Variants in ZNRF1 observed in about 807,000 individuals in gnomAD.
ZNRF1 encodes zinc and ring finger 1.
In ZNRF1, 3 loss-of-function variants were observed where a neutral mutation model predicts 18.4. The observed-to-expected ratio is 0.16, with a 90% CI of 0.07 to 0.42. ZNRF1 has a LOEUF of 0.42. ZNRF1 is among the 10% of genes least tolerant of loss of function. The probability of loss-of-function intolerance (pLI) is 0.99; values close to 1 mark genes in which losing one functional copy is unlikely to be tolerated. For missense variants in ZNRF1, 310 were observed against 329.8 expected (o/e 0.94, Z 0.47); for synonymous variants, 157 against 144.2 (o/e 1.09, Z -0.64).
In ZNRF1 at chr16:75,049,724, T is replaced by G. The variant is rs529338863; in HGVS notation, c.425-43848T>G. ...GTGGTCCTTTGTACCTTCGCCCGGT[T>G]TTCTTCAGTGGTACATCCTACATAA... On this transcript the variant is annotated intron_variant, in intron 1 of 4. Coordinates refer to ENST00000335325, the MANE Select transcript of ZNRF1 (RefSeq NM_032268.5). Among the ~76,000 whole-genome samples the G allele has an allele frequency of 3.3e-5, 5 of 152,334 alleles. No individual in the cohort carries two copies. The East Asian group carries it at 9.6e-4, about 29-fold the overall frequency.
At chr16:75,089,018 G>A (rs2145417776) in intron 1 of ZNRF1, among the ~76,000 whole-genome samples, 1 of 152,242 alleles carries the variant, frequency 6.6e-6, no homozygotes. Context: ...ATAGCCCATG[G>A]CCAGTGTGCC....
At chr16:75,017,279 G>T (rs147565555) in intron 1 of ZNRF1, among the ~76,000 whole-genome samples, 3 of 152,190 alleles carry the variant, frequency 2.0e-5, no homozygotes, top group Non-Finnish European at 2.9e-5. Flanking sequence ...GAATTAAATT[G>T]AGTTTATCAA....
chr16:75,030,443 G>A (rs979558309), intron 1 of ZNRF1, among the ~76,000 whole-genome samples: 4 of 151,640 alleles, frequency 2.6e-5, no homozygotes, highest in African/African-American at 9.7e-5. Context: ...AAAAAAAAAA[G>A]AGAGAAATAT....
intron 2 of ZNRF1, chr16:75,095,700 C>T: frequency 6.5e-7 from 1 of 1,549,162 alleles, no homozygotes; most frequent in African/African-American, 1.4e-5. Flanking sequence ...TCTTGGGCCC[C>T]CATGGCCCAA....
chr16:75,054,329 A>C (rs1042929047), intron 1 of ZNRF1, among the ~76,000 whole-genome samples: 1 of 152,236 alleles, frequency 6.6e-6, no homozygotes, highest in Non-Finnish European at 1.5e-5. Flanking sequence ...CTTGTTCTAA[A>C]AGTCCATTTG....
chr16:75,034,112 T>TGTGCCGTTGCAGTGAGCGGAGATG (rs2035345358), intron 1 of ZNRF1, among the ~76,000 whole-genome samples: 1 of 152,174 alleles, frequency 6.6e-6, no homozygotes, highest in Non-Finnish European at 1.5e-5. Flanking sequence ...GAGCGGAGAT[T>TGTGCCGTTGCAGTGAGCGGAGATG]GTGCCACTGC....
chr16:75,069,658 C>T lies in ZNRF1; in HGVS notation c.425-23914C>T, dbSNP rs139386410. Among the ~76,000 whole-genome samples the T allele has an allele frequency of 7.4e-4, 113 of 152,274 alleles. 1 individual carries two copies. Among genetic ancestry groups the T allele is most frequent in the African/African-American group, 2.6e-3 (109 of 41,542 alleles). On this transcript the variant is annotated intron_variant, in intron 1 of 4. Transcript: ENST00000335325. ...CAAACTCCTGACCTCGTGATCCACC[C>T]GCCTCGGCCTCCCAAAGTGCTGGGA...
chr16:75,030,465 G>A (rs1474139231), intron 1 of ZNRF1, among the ~76,000 whole-genome samples: 1 of 151,812 alleles, frequency 6.6e-6, no homozygotes, highest in Non-Finnish European at 1.5e-5. Context: ...TAAAGAAAAA[G>A]AGAAAAAAAC....
At chr16:75,016,505 G>T (rs931472313) in intron 1 of ZNRF1, among the ~76,000 whole-genome samples, 3 of 151,922 alleles carry the variant, frequency 2.0e-5, no homozygotes, top group South Asian at 4.2e-4. Context: ...CTTCCAAAGT[G>T]CTGGGATTAC....
intron 1 of ZNRF1, among the ~76,000 whole-genome samples, chr16:75,034,082 CG>C (rs1269816584): frequency 6.6e-6 from 1 of 152,102 alleles, no homozygotes; most frequent in Non-Finnish European, 1.5e-5. Flanking sequence ...TGCTTGAACC[CG>C]GGAGGCGGAG....
chr16:75,031,417 C>T (rs549857918), intron 1 of ZNRF1, among the ~76,000 whole-genome samples: 33 of 152,136 alleles, frequency 2.2e-4, no homozygotes, highest in Admixed American at 2.0e-4. Flanking sequence ...GGGGAGCCAC[C>T]GTGCCCGGCC....
chr16:75,035,969 C>T (rs1264724356), intron 1 of ZNRF1, among the ~76,000 whole-genome samples: 1 of 152,186 alleles, frequency 6.6e-6, no homozygotes, highest in East Asian at 1.9e-4. Flanking sequence ...TTTCTATCTA[C>T]TGGGAGACTA....
chr16:75,032,824 G>C (rs1322576631), intron 1 of ZNRF1, among the ~76,000 whole-genome samples: 1 of 152,148 alleles, frequency 6.6e-6, no homozygotes, highest in Non-Finnish European at 1.5e-5. Flanking sequence ...AGACCAGCCT[G>C]GGCAACACAG....
Position 75,104,906 on chromosome 16 carries a change from A to G in ZNRF1, c.626+17A>G, listed in dbSNP as rs955439512. The G allele has an allele frequency of 6.3e-6, 10 of 1,574,936 alleles. No individual in the cohort carries two copies. Among genetic ancestry groups the G allele is most frequent in the South Asian group, 1.2e-5 (1 of 85,904 alleles). ...TCACAAAAGGTAGGAGGGGTTGGCA[A>G]GGTAGCTTAGTGCACCCCACCTCCC... On this transcript the variant is annotated intron_variant, in intron 3 of 4. Transcript: ENST00000335325.
At chr16:75,030,987 A>G (rs775043873) in intron 1 of ZNRF1, among the ~76,000 whole-genome samples, 4 of 151,264 alleles carry the variant, frequency 2.6e-5, no homozygotes, top group Non-Finnish European at 4.4e-5. Flanking sequence ...AGAGGTGTGC[A>G]CCGCCACGCC....
chr16:75,049,871 G>GTGTGTGTGTGTGTGTGTGT (rs1555511852), intron 1 of ZNRF1, among the ~76,000 whole-genome samples: 1 of 150,300 alleles, frequency 6.7e-6, no homozygotes, highest in African/African-American at 2.5e-5. Flanking sequence ...GTGTGTGTGT[G>GTGTGTGTGTGTGTGTGTGT]GTTTAGTGCA....
intron 1 of ZNRF1, among the ~76,000 whole-genome samples, chr16:75,087,291 C>T (rs1194264663): frequency 6.6e-6 from 1 of 152,188 alleles, no homozygotes; most frequent in Non-Finnish European, 1.5e-5. Context: ...TAACAGTGGG[C>T]TTACCCTGAT....
chr16:75,070,282 A>G (rs2035854472), intron 1 of ZNRF1, among the ~76,000 whole-genome samples: 2 of 152,052 alleles, frequency 1.3e-5, no homozygotes, highest in Non-Finnish European at 2.9e-5. Flanking sequence ...CTCCATTCAC[A>G]CCACCGATAG....
chr16:75,084,868 A>G (rs1331718158), intron 1 of ZNRF1, among the ~76,000 whole-genome samples: 1 of 152,178 alleles, frequency 6.6e-6, no homozygotes, highest in African/African-American at 2.4e-5. Flanking sequence ...CACTTTGTTC[A>G]ATGTTTATTA....
Sources: gnomAD v4.1 joint callset for allele counts (sites outside exome capture counted in the v4.1 genomes callset) on GRCh38, gnomAD v4.1.1 for gene constraint, MANE v1.5 for transcripts, NCBI Gene and HGNC (gene_info 2026-07-23, HGNC 2026-07-21) for gene names.